The following CDCA7L variants were observed in gnomAD, a reference collection of about 807,000 sequenced individuals.
CDCA7L encodes cell division cycle-associated 7-like protein.
Under a neutral mutation model 57.4 loss-of-function variants are expected in CDCA7L, and 44 were observed. The ratio of observed to expected loss-of-function variants is 0.77; its 90% CI spans 0.60 to 0.98. The LOEUF is 0.98. Among genes scored for constraint, CDCA7L ranks in the 50% least tolerant of loss-of-function variants. CDCA7L has a pLI of 0.00. For synonymous variants in CDCA7L, 236 were observed against 202.8 expected, an observed-to-expected ratio of 1.16 and a Z score of -1.39; for missense variants, 644 against 580.6, an observed-to-expected ratio of 1.11 and a Z score of -1.12.
chr7:21,917,275 C>A (rs1322983697), intron 1 of CDCA7L, among the ~76,000 whole-genome samples: 1 of 152,160 alleles, frequency 6.6e-6, no homozygotes, highest in Non-Finnish European at 1.5e-5. Context: ...CATAAAATAT[C>A]ATTAAGCACT....
At chr7:21,927,086 G>A (rs997657093) in intron 1 of CDCA7L, among the ~76,000 whole-genome samples, 3 of 152,220 alleles carry the variant, frequency 2.0e-5, no homozygotes, top group African/African-American at 4.8e-5. Context: ...GCCACTTCTC[G>A]AATATTTAAT....
chr7:21,904,567 A>G (rs4534048), intron 7 of CDCA7L, among the ~76,000 whole-genome samples: 36,346 of 152,120 alleles, frequency 0.24, 4,605 homozygotes, highest in Non-Finnish European at 0.29. Flanking sequence ...TCATAGGAGC[A>G]CAAACCCTCT....
chr7:21,902,370 A>AGTATTTGGTAAAGTAGT lies in CDCA7L; in HGVS notation c.1335-35_1335-19dup. 1 of 1,612,996 alleles carries AGTATTTGGTAAAGTAGT rather than the reference A, an allele frequency of 6.2e-7. No homozygotes were observed. Among genetic ancestry groups the AGTATTTGGTAAAGTAGT allele is most frequent in the South Asian group, 1.1e-5 (1 of 91,044 alleles). ...TTTGTAAGCTGGGAAAAAGATGAGA[A>AGTATTTGGTAAAGTAGT]GTATTTGGTAAAGTAGTACAAATAC... On this transcript the variant is annotated intron_variant, in intron 9 of 9. Coordinates refer to ENST00000406877, the MANE Select transcript of CDCA7L (RefSeq NM_018719.5).
intron 1 of CDCA7L, among the ~76,000 whole-genome samples, chr7:21,922,087 G>C (rs1467137939): frequency 6.6e-6 from 1 of 152,044 alleles, no homozygotes; most frequent in Non-Finnish European, 1.5e-5. Context: ...TCTTAAGAAA[G>C]GTGTATTTTA....
intron 1 of CDCA7L, among the ~76,000 whole-genome samples, chr7:21,927,852 A>C (rs373986320): frequency 2.6e-5 from 4 of 152,330 alleles, no homozygotes; most frequent in East Asian, 3.9e-4. Flanking sequence ...TCTCCCTGGG[A>C]CAGAGCACCT....
chr7:21,900,992 G>A lies in CDCA7L; in HGVS notation c.*1330C>T, dbSNP rs756735704. Reference sequence around the variant, plus strand: ...AAGCTGCCACACAATTGCAACCGCTGTGTTTTTGCCATAGGCGCCCGCTGG... The same window carrying A: ...AAGCTGCCACACAATTGCAACCGCTATGTTTTTGCCATAGGCGCCCGCTGG... On this transcript the variant is annotated 3_prime_UTR_variant, in exon 10 of 10. Coordinates refer to ENST00000406877, the MANE Select transcript of CDCA7L (RefSeq NM_018719.5). The A allele has an allele frequency of 5.7e-6, 9 of 1,565,564 alleles. No individual in the cohort carries two copies. The Admixed American group carries it at 1.5e-4, about 27-fold the overall frequency.
At chr7:21,909,176 G>A (rs1785236534) in intron 3 of CDCA7L, among the ~76,000 whole-genome samples, 1 of 152,200 alleles carries the variant, frequency 6.6e-6, no homozygotes, top group Non-Finnish European at 1.5e-5. Flanking sequence ...CATGGCAGAG[G>A]TCTCCAGCAT....
intron 1 of CDCA7L, among the ~76,000 whole-genome samples, chr7:21,928,623 C>G (rs1785898973): frequency 6.6e-6 from 1 of 151,840 alleles, no homozygotes; most frequent in East Asian, 1.9e-4. Context: ...CCTGATGGAG[C>G]TGAAAAACAC....
chr7:21,916,695 T>C, intron 2 of CDCA7L, 59 bp downstream of exon 2: 3 of 1,538,784 alleles, frequency 1.9e-6, no homozygotes, highest in Non-Finnish European at 2.7e-6. Context: ...TAAAAGAACA[T>C]CCAAACCAAG....
chr7:21,910,889 G>C, intron 3 of CDCA7L, among the ~76,000 whole-genome samples: 1 of 151,534 alleles, frequency 6.6e-6, no homozygotes, highest in Admixed American at 6.6e-5. Context: ...CCAAATTTTT[G>C]CCAAATTAAC....
intron 7 of CDCA7L, 144 bp downstream of exon 7, chr7:21,905,362 G>A: frequency 2.4e-6 from 2 of 842,370 alleles, no homozygotes; most frequent in Non-Finnish European, 3.7e-6. Flanking sequence ...CCCAGGTACA[G>A]CTGACTTTTG....
chr7:21,941,669 G>A (rs1312462728), intron 1 of CDCA7L, among the ~76,000 whole-genome samples: 2 of 152,214 alleles, frequency 1.3e-5, no homozygotes, highest in Non-Finnish European at 2.9e-5. Flanking sequence ...GGAGGGAACA[G>A]GGCAAGTTTC....
Position 21,901,363 on chromosome 7 carries a change from T to TGCATTCTTTTTTCAACGCTATCCTTA in CDCA7L, c.*933_*958dup. 7.3e-7 allele frequency: 1 copy of TGCATTCTTTTTTCAACGCTATCCTTA among 1,362,632 alleles called. No individual in the cohort carries two copies. Among genetic ancestry groups the TGCATTCTTTTTTCAACGCTATCCTTA allele is most frequent in the Non-Finnish European group, 9.6e-7 (1 of 1,046,234 alleles). The allele number at this position is 1,362,632 out of a possible 1,614,324, so 84.4% of individuals were successfully genotyped here. On this transcript the variant is annotated 3_prime_UTR_variant, in exon 10 of 10. Coordinates refer to ENST00000406877, the MANE Select transcript of CDCA7L (RefSeq NM_018719.5). Reference sequence around the variant, plus strand: ...TTCTAACTTTTTAGTAACTCACACGTGCATTCTTTTTTCAACGCTATCCTT... The same window carrying TGCATTCTTTTTTCAACGCTATCCTTA: ...TTCTAACTTTTTAGTAACTCACACGTGCATTCTTTTTTCAACGCTATCCTTAGCATTCTTTTTTCAACGCTATCCTT...
chr7:21,903,135 G>T, intron 8 of CDCA7L, 21 bp from the exon 9 acceptor site: 1 of 1,608,636 alleles, frequency 6.2e-7, no homozygotes, highest in Non-Finnish European at 8.5e-7. Context: ...GATGACAGCA[G>T]ACACTTCGCT....
intron 1 of CDCA7L, among the ~76,000 whole-genome samples, chr7:21,945,489 C>T (rs1421847741): frequency 2.0e-5 from 3 of 152,200 alleles, no homozygotes; most frequent in African/African-American, 2.4e-5. Flanking sequence ...GCGCTGCGCC[C>T]CGCTAGCTCC....
chr7:21,938,415 C>A (rs749480340), intron 1 of CDCA7L, among the ~76,000 whole-genome samples: 1 of 151,786 alleles, frequency 6.6e-6, no homozygotes, highest in Non-Finnish European at 1.5e-5. Context: ...CTGGCAAAGA[C>A]GTGAAGAAAT....
chr7:21,945,449 T>TC (rs1446799861), intron 1 of CDCA7L, among the ~76,000 whole-genome samples: 1 of 149,618 alleles, frequency 6.7e-6, no homozygotes, highest in East Asian at 2.0e-4. Flanking sequence ...AAAAAGCCCC[T>TC]CCCCCGTCTC....
chr7:21,904,284 G>C, intron 7 of CDCA7L, 25 bp from the exon 8 acceptor site: 2 of 1,573,560 alleles, frequency 1.3e-6, no homozygotes, highest in African/African-American at 1.4e-5. Context: ...CAGTGAGCAG[G>C]TGAACACAGG....
At chr7:21,938,618 T>C (rs1232308541) in intron 1 of CDCA7L, among the ~76,000 whole-genome samples, 1 of 152,172 alleles carries the variant, frequency 6.6e-6, no homozygotes, top group Admixed American at 6.5e-5. Context: ...TATTCATTGG[T>C]ATTTACAATA....
Sources: allele counts gnomAD v4.1 joint callset (sites outside exome capture counted in the v4.1 genomes callset), GRCh38; gene constraint gnomAD v4.1.1; transcripts MANE v1.5; gene names NCBI Gene and HGNC (gene_info 2026-07-23, HGNC 2026-07-21).